NMNAT3: variants seen among roughly 807,000 people sequenced by gnomAD.
The protein encoded by NMNAT3 is nicotinamide/nicotinic acid mononucleotide adenylyltransferase 3.
NMNAT3 carries 21 observed loss-of-function variants against 24.8 expected under a neutral mutation model. The ratio of observed to expected loss-of-function variants is 0.85; its 90% confidence interval spans 0.60 to 1.22. The LOEUF is 1.22. Ranked by LOEUF, NMNAT3 falls within the 50% of genes most tolerant of loss-of-function variation. The pLI is 0.00. For missense variants in NMNAT3, 387 were observed against 436.6 expected (o/e 0.89, Z 1.01); for synonymous variants, 136 against 155.2 (o/e 0.88, Z 0.92).
At chr3:139,640,082 GGAC>G (rs1463150580) in intron 1 of NMNAT3, among the ~76,000 whole-genome samples, 1 of 152,164 alleles carries the variant, frequency 6.6e-6, no homozygotes, top group African/African-American at 2.4e-5. Context: ...GTGCATGGTG[GGAC>G]TCTGTAGTCC....
intron 3 of NMNAT3, among the ~76,000 whole-genome samples, chr3:139,623,234 T>C (rs1158720878): frequency 3.9e-5 from 6 of 152,252 alleles, no homozygotes; most frequent in African/African-American, 1.2e-4. Flanking sequence ...GTAAATTTTG[T>C]TAGAAATTAA....
At chr3:139,593,050 T>C (rs1253674258) in intron 3 of NMNAT3, among the ~76,000 whole-genome samples, 3 of 152,116 alleles carry the variant, frequency 2.0e-5, no homozygotes, top group Non-Finnish European at 2.9e-5. Flanking sequence ...TCAAGACCCA[T>C]CAATGTGCTG....
At chr3:139,598,209 G>T (rs1423442897) in intron 3 of NMNAT3, among the ~76,000 whole-genome samples, 1 of 152,142 alleles carries the variant, frequency 6.6e-6, no homozygotes, top group Non-Finnish European at 1.5e-5. Flanking sequence ...ATGGCCACAG[G>T]ATCATCTCAT....
intron 3 of NMNAT3, among the ~76,000 whole-genome samples, chr3:139,617,694 G>A (rs563288333): frequency 6.6e-6 from 1 of 152,262 alleles, no homozygotes; most frequent in East Asian, 1.9e-4. Context: ...TGAAATACAG[G>A]CCAATAATTA....
At chr3:139,622,808 T>TC (rs2055856935) in intron 3 of NMNAT3, among the ~76,000 whole-genome samples, 1 of 142,018 alleles carries the variant, frequency 7.0e-6, no homozygotes, top group Admixed American at 7.4e-5. Context: ...ATGATATATA[T>TC]ATAAAATGTA....
intron 3 of NMNAT3, among the ~76,000 whole-genome samples, chr3:139,588,783 C>T (rs947295757): frequency 1.3e-5 from 2 of 152,200 alleles, no homozygotes; most frequent in African/African-American, 2.4e-5. Context: ...CAGAGAGAAC[C>T]TTTATTCTCA....
At chr3:139,624,511 G>A (rs1341210085) in intron 3 of NMNAT3, among the ~76,000 whole-genome samples, 1 of 151,220 alleles carries the variant, frequency 6.6e-6, no homozygotes, top group African/African-American at 2.4e-5. Context: ...GCAGTGGCAC[G>A]ATCTCGGCTC....
chr3:139,573,535 C>G (rs751120911), intron 6 of NMNAT3, 63 bp downstream of exon 6: 4 of 975,424 alleles, frequency 4.1e-6, no homozygotes, highest in African/African-American at 1.7e-5. Context: ...ACCCCTACCC[C>G]CTTCAGTTCT....
chr3:139,563,865 T>TAACA (rs1380327030), intron 6 of NMNAT3, among the ~76,000 whole-genome samples: 4 of 152,186 alleles, frequency 2.6e-5, no homozygotes, highest in Non-Finnish European at 5.9e-5. Flanking sequence ...CGATTTCTCC[T>TAACA]AACAGTGATA....
At chr3:139,618,408 TC>T (rs2108281206) in intron 3 of NMNAT3, among the ~76,000 whole-genome samples, 1 of 152,320 alleles carries the variant, frequency 6.6e-6, no homozygotes, top group African/African-American at 2.4e-5. Flanking sequence ...TGTTGTTATT[TC>T]AGGAGAAAAA....
intron 6 of NMNAT3, among the ~76,000 whole-genome samples, chr3:139,564,304 G>A (rs1234122881): frequency 6.6e-6 from 1 of 152,184 alleles, no homozygotes; most frequent in East Asian, 1.9e-4. Context: ...GGACTTCTGG[G>A]TCTAAACAGG....
chr3:139,599,823 T>C (rs1296834951), intron 3 of NMNAT3, among the ~76,000 whole-genome samples: 1 of 152,232 alleles, frequency 6.6e-6, no homozygotes, highest in Non-Finnish European at 1.5e-5. Flanking sequence ...TGCTCCGCCC[T>C]GTGTCCTGCT....
chr3:139,566,956 T>A (rs1937330004), intron 6 of NMNAT3: 1 of 152,190 alleles, frequency 6.6e-6, no homozygotes, highest in Non-Finnish European at 1.5e-5. Context: ...CCTTGGGCAG[T>A]ATGGCCATTT....
intron 3 of NMNAT3, among the ~76,000 whole-genome samples, chr3:139,601,795 G>A (rs2201713): frequency 0.33 from 50,678 of 152,016 alleles, 9,335 homozygotes; most frequent in East Asian, 0.59. Flanking sequence ...TCAGGAGCCC[G>A]AAAGAAGCTC....
intron 1 of NMNAT3, among the ~76,000 whole-genome samples, chr3:139,675,165 T>TACACACACACACAC (rs1353059485): frequency 2.0e-4 from 9 of 45,962 alleles, no homozygotes; most frequent in African/African-American, 5.4e-4. Flanking sequence ...CACACACACG[T>TACACACACACACAC]GCACATATAC....
intron 6 of NMNAT3, chr3:139,567,522 G>A (rs1420769930): frequency 6.6e-6 from 1 of 152,100 alleles, no homozygotes; most frequent in African/African-American, 2.4e-5. Context: ...TTATTATTTT[G>A]AGATACATCC....
intron 6 of NMNAT3, among the ~76,000 whole-genome samples, chr3:139,572,778 G>A (rs1402059600): frequency 6.6e-6 from 1 of 152,148 alleles, no homozygotes; most frequent in Admixed American, 6.5e-5. Context: ...CTTTCTTGTA[G>A]AATCACAATG....
intron 1 of NMNAT3, among the ~76,000 whole-genome samples, chr3:139,660,735 A>C (rs1240237425): frequency 6.6e-6 from 1 of 152,210 alleles, no homozygotes; most frequent in African/African-American, 2.4e-5. Flanking sequence ...TACAGTTAGA[A>C]GATAAGGTAA....
At chr3:139,663,645 T>C (rs2057488842) in intron 1 of NMNAT3, among the ~76,000 whole-genome samples, 1 of 152,186 alleles carries the variant, frequency 6.6e-6, no homozygotes, top group African/African-American at 2.4e-5. Context: ...AAAGGCAGTC[T>C]AAACACTCTC....
Sources: gnomAD v4.1 joint callset for allele counts (sites outside exome capture counted in the v4.1 genomes callset) on GRCh38, gnomAD v4.1.1 for gene constraint, MANE v1.5 for transcripts, NCBI Gene and HGNC (gene_info 2026-07-23, HGNC 2026-07-21) for gene names.